The following TMOD3 variants were observed in gnomAD, a reference collection of about 807,000 sequenced individuals.
TMOD3 encodes the protein tropomodulin-3.
Under a neutral mutation model 39.2 loss-of-function variants are expected in TMOD3, and 20 were observed. The ratio of observed to expected loss-of-function variants is 0.51; its 90% confidence interval spans 0.36 to 0.74. The LOEUF (loss-of-function observed/expected upper bound fraction) is 0.74. Ranked by LOEUF, TMOD3 falls within the 30% of genes least tolerant of loss-of-function variation. The pLI is 0.00. For synonymous variants in TMOD3, 143 were observed against 145.8 expected, an observed-to-expected ratio of 0.98 and a Z score of 0.14; for missense variants, 381 against 412.8, an observed-to-expected ratio of 0.92 and a Z score of 0.67.
intron 8 of TMOD3, chr15:51,901,605 G>GTGTA: frequency 2.7e-6 from 1 of 364,008 alleles, no homozygotes; most frequent in Non-Finnish European, 5.1e-6. Flanking sequence ...GTGTGTGTGT[G>GTGTA]TGTGTGTATA....
intron 7 of TMOD3, 31 bp downstream of exon 7, chr15:51,896,557 A>G (rs990666): frequency 0.019 from 29,362 of 1,520,996 alleles, 1,427 homozygotes; most frequent in African/African-American, 0.14. Flanking sequence ...TATCAAAATT[A>G]TGACATGCCC....
At chr15:51,845,786 TTTTG>T (rs1386691185) in intron 1 of TMOD3, among the ~76,000 whole-genome samples, 1 of 151,940 alleles carries the variant, frequency 6.6e-6, no homozygotes, top group East Asian at 1.9e-4. Context: ...TTCCTCTGGG[TTTTG>T]TTTGTTTTTC....
At chr15:51,864,567 G>C (rs1260183673) in intron 2 of TMOD3, among the ~76,000 whole-genome samples, 1 of 152,180 alleles carries the variant, frequency 6.6e-6, no homozygotes, top group Non-Finnish European at 1.5e-5. Context: ...ATGCCACACA[G>C]AGGCACAGGG....
intron 1 of TMOD3, among the ~76,000 whole-genome samples, chr15:51,844,573 GTAGT>G (rs2056326901): frequency 6.6e-6 from 1 of 152,126 alleles, no homozygotes; most frequent in African/African-American, 2.4e-5. Flanking sequence ...AAGAGAGGCA[GTAGT>G]TAAATACTGT....
chr15:51,842,413 G>C (rs769471840), intron 1 of TMOD3, among the ~76,000 whole-genome samples: 1 of 152,146 alleles, frequency 6.6e-6, no homozygotes, highest in African/African-American at 2.4e-5. Context: ...TTCCTAGCAA[G>C]CCCTCTTCAG....
rs2056727814 is a variant in TMOD3 at position 51,915,137 on chromosome 15, G to A, written c.*6327G>A. 6.6e-6 allele frequency: 1 copy of A among 151,762 alleles called. No homozygotes were observed. Among genetic ancestry groups the A allele is most frequent in the African/African-American group, 2.4e-5 (1 of 41,274 alleles). The allele number at this position is 151,762 out of a possible 1,614,324, so 9.4% of individuals were successfully genotyped here. A position where few individuals can be genotyped will look rare whatever the true frequency, so the allele number is the denominator to read the frequency against. ...TTAATTGATGCAAAGCAATTAATTG[G>A]CCTAAAATGTTTCAAATATTATAGT... On this transcript the variant is annotated 3_prime_UTR_variant, in exon 10 of 10. Transcript: ENST00000308580.
At chr15:51,848,530 C>G (rs904646495) in intron 1 of TMOD3, among the ~76,000 whole-genome samples, 2 of 152,124 alleles carry the variant, frequency 1.3e-5, no homozygotes, top group African/African-American at 4.8e-5. Context: ...TACATTATTT[C>G]CAGATTAATT....
chr15:51,861,158 C>A, intron 1 of TMOD3: 2 of 488,358 alleles, frequency 4.1e-6, no homozygotes, highest in African/African-American at 3.9e-5. Flanking sequence ...GGGCTCTTTC[C>A]TGGATTCTGT....
intron 3 of TMOD3, among the ~76,000 whole-genome samples, chr15:51,873,549 T>C (rs984581566): frequency 6.6e-6 from 1 of 152,244 alleles, no homozygotes; most frequent in African/African-American, 2.4e-5. Context: ...ATGACTGGCC[T>C]CAGGGTGCAG....
At chr15:51,898,088 C>A (rs562121039) in intron 7 of TMOD3, among the ~76,000 whole-genome samples, 1 of 152,338 alleles carries the variant, frequency 6.6e-6, no homozygotes, top group African/African-American at 2.4e-5. Context: ...CCTCTAGCAG[C>A]TTCCCATCTC....
intron 5 of TMOD3, among the ~76,000 whole-genome samples, chr15:51,893,004 T>C (rs2056601556): frequency 6.6e-6 from 1 of 152,134 alleles, no homozygotes; most frequent in Admixed American, 6.5e-5. Context: ...GTGCTTTAAA[T>C]ATGTGTCAAG....
At chr15:51,860,339 G>A (rs960461697) in intron 1 of TMOD3, 4 of 539,280 alleles carry the variant, frequency 7.4e-6, no homozygotes, top group Non-Finnish European at 1.5e-5. Flanking sequence ...TGCCCTTAAG[G>A]ATTTCTTCAG....
At chr15:51,856,707 T>G (rs1485852147) in intron 1 of TMOD3, among the ~76,000 whole-genome samples, 9 of 151,696 alleles carry the variant, frequency 5.9e-5, no homozygotes, top group Non-Finnish European at 1.0e-4. Context: ...TTCAGCAAAA[T>G]GCAAATTAAA....
chr15:51,871,218 A>G (rs144627582), intron 3 of TMOD3, among the ~76,000 whole-genome samples: 14 of 152,328 alleles, frequency 9.2e-5, no homozygotes, highest in Admixed American at 1.3e-4. Context: ...TTCAAAACCA[A>G]TGCAGAGTTT....
chr15:51,833,469 A>G (rs1393191093), intron 1 of TMOD3: 2 of 152,232 alleles, frequency 1.3e-5, no homozygotes, highest in East Asian at 3.8e-4. Flanking sequence ...ACTTCTACCA[A>G]AATCAGATAG....
chr15:51,907,127 TA>T (rs1191516377), intron 9 of TMOD3: 2 of 152,152 alleles, frequency 1.3e-5, no homozygotes, highest in Non-Finnish European at 2.9e-5. Context: ...AGTCTCCATT[TA>T]ATTTTTTTTC....
chr15:51,860,830 G>A, intron 1 of TMOD3: 1 of 367,676 alleles, frequency 2.7e-6, no homozygotes, highest in East Asian at 7.0e-5. Context: ...CAGCCACTCA[G>A]GAGGCTGAGA....
chr15:51,864,013 C>T (rs537655980), intron 2 of TMOD3, among the ~76,000 whole-genome samples: 427 of 152,186 alleles, frequency 2.8e-3, no homozygotes, highest in South Asian at 5.0e-3. Flanking sequence ...CGCCTATAAT[C>T]GCAGCACTTT....
intron 1 of TMOD3, chr15:51,833,322 AT>A (rs1268573977): frequency 2.6e-5 from 4 of 152,216 alleles, no homozygotes; most frequent in African/African-American, 9.7e-5. Flanking sequence ...GTAGTCTTGA[AT>A]TTCATTTGAA....
Sources: allele counts gnomAD v4.1 joint callset (sites outside exome capture counted in the v4.1 genomes callset), GRCh38; gene constraint gnomAD v4.1.1; transcripts MANE v1.5; gene names NCBI Gene and HGNC (gene_info 2026-07-23, HGNC 2026-07-21).